The following CFAP99 variants were observed in gnomAD, a reference collection of about 807,000 sequenced individuals.
CFAP99 encodes the protein cilia and flagella associated protein 99.
CFAP99 carries 84 observed loss-of-function variants against 82.7 expected under a neutral mutation model. The observed-to-expected ratio is 1.02, with a 90% CI of 0.85 to 1.22. The LOEUF (loss-of-function observed/expected upper bound fraction) is 1.22, where lower values mean the gene tolerates loss of function less well. CFAP99 is among the 50% of genes most tolerant of loss of function. CFAP99 has a pLI of 0.00. For missense variants in CFAP99, 1,059 were observed against 983.5 expected (o/e 1.08, Z -1.03); for synonymous variants, 456 against 429.5 (o/e 1.06, Z -0.76).
intron 11 of CFAP99, among the ~76,000 whole-genome samples, chr4:2,456,418 T>C (rs1480718386): frequency 6.6e-6 from 1 of 152,108 alleles, no homozygotes; most frequent in Non-Finnish European, 1.5e-5. Context: ...GGCTCACACC[T>C]GTAGTCACGG....
intron 4 of CFAP99, among the ~76,000 whole-genome samples, chr4:2,438,390 G>A (rs1733966390): frequency 6.6e-6 from 1 of 152,112 alleles, no homozygotes; most frequent in African/African-American, 2.4e-5. Context: ...AGCCTCCCGA[G>A]TAGCTGGGAC....
rs1734640620 is a variant in CFAP99, at chr4:2,462,392, G to A, written c.1662-51G>A. The A allele has an allele frequency of 3.6e-6, 5 of 1,388,378 alleles. No individual in the cohort carries two copies. Among genetic ancestry groups the A allele is most frequent in the Non-Finnish European group, 4.6e-6 (5 of 1,083,246 alleles). The allele number at this position is 1,388,378 out of a possible 1,614,324, so 86.0% of individuals were successfully genotyped here. On this transcript the variant is annotated intron_variant, in intron 14 of 14. Transcript: ENST00000635017. This position sits in a 1 kb window ranked among gnomAD's most constrained non-coding sequence, Gnocchi z 4.1. ...TGGACACGGGTGGCATCCTGGGTCT[G>A]GCCTGGGCCTCCCGCCGGCCTGCTC...
At chr4:2,449,006 C>T (rs1734240302) in intron 6 of CFAP99, among the ~76,000 whole-genome samples, 1 of 151,988 alleles carries the variant, frequency 6.6e-6, no homozygotes, top group African/African-American at 2.4e-5. Flanking sequence ...AGGGAGGGCT[C>T]GTTTGAGGAA....
chr4:2,430,952 A>G (rs1733787412), intron 2 of CFAP99, among the ~76,000 whole-genome samples: 1 of 152,118 alleles, frequency 6.6e-6, no homozygotes, highest in Admixed American at 6.6e-5. Context: ...ACGTGCTTGT[A>G]GTCCCAGCTA....
Position 2,449,918 on chromosome 4 carries a change from TG to T in CFAP99, c.724-15del. 2 of 1,536,110 alleles carry T rather than the reference TG, an allele frequency of 1.3e-6. No homozygotes were observed. Among genetic ancestry groups the T allele is most frequent in the Non-Finnish European group, 1.7e-6 (2 of 1,146,868 alleles). ...CAGAGGCTGGTGGGACTGGAGCCGC[TG>T]TGTCACTGTGGCAGGAGCTGCTGCT... On this transcript the variant is annotated splice_polypyrimidine_tract_variant and intron_variant, in intron 7 of 14. Coordinates refer to ENST00000635017, the Ensembl canonical transcript of CFAP99.
intron 11 of CFAP99, among the ~76,000 whole-genome samples, chr4:2,458,334 A>C (rs938210649): frequency 6.6e-6 from 1 of 152,166 alleles, no homozygotes; most frequent in Non-Finnish European, 1.5e-5. Context: ...AAAAGCCGTA[A>C]ATATAGAACA....
chr4:2,454,581 CTTTTTTTTTTTTGTTTTTTTTTT>C (rs1459688913), intron 11 of CFAP99, among the ~76,000 whole-genome samples: 1 of 94,722 alleles, frequency 1.1e-5, no homozygotes, highest in South Asian at 3.6e-4. Flanking sequence ...TGTTTTTTTT[CTTTTTTTTTTTTGTTTTTTTTTT>C]TTTTTGGTTT....
intron 11 of CFAP99, among the ~76,000 whole-genome samples, chr4:2,458,230 T>C (rs985442128): frequency 3.7e-4 from 57 of 152,342 alleles, no homozygotes; most frequent in African/African-American, 1.3e-3. Flanking sequence ...GTGCCCACTT[T>C]CTTCACCTCA....
At chr4:2,424,479 C>T (rs1733645185) in intron 1 of CFAP99, among the ~76,000 whole-genome samples, 1 of 152,176 alleles carries the variant, frequency 6.6e-6, no homozygotes, top group African/African-American at 2.4e-5. Flanking sequence ...AAGAACAGCC[C>T]ATGTCAGGCC....
rs577690403 is a variant in CFAP99 at position 2,420,023 on chromosome 4, C to T, written c.-18+930C>T. On this transcript the variant is annotated intron_variant, in intron 1 of 14. Transcript: ENST00000635017. Reference sequence around the variant, plus strand: ...GGTCAGCGCTCATCTCTTCCTTGAACTGTCACTACCACGTGACCCAGCCGA... The same window carrying T: ...GGTCAGCGCTCATCTCTTCCTTGAATTGTCACTACCACGTGACCCAGCCGA... Among the ~76,000 whole-genome samples, 156 of 152,166 alleles carry T rather than the reference C, an allele frequency of 1.0e-3. 1 individual carries two copies. Among genetic ancestry groups the T allele is most frequent in the Admixed American group, 0.01 (153 of 15,278 alleles).
chr4:2,421,350 C>CTTTTTTTTTTTTTT (rs10632358), intron 1 of CFAP99, among the ~76,000 whole-genome samples: 1 of 96,984 alleles, frequency 1.0e-5, no homozygotes, highest in Non-Finnish European at 1.9e-5. Context: ...TCTGCCCACC[C>CTTTTTTTTTTTTTT]TTTTTTTTTT....
At chr4:2,452,421 G>A (rs1025052530) in intron 11 of CFAP99, 75 bp downstream of exon 11, 2 of 1,454,464 alleles carry the variant, frequency 1.4e-6, no homozygotes, top group Admixed American at 4.0e-5. Context: ...GCAGGGCCAG[G>A]GCTGGCAGTG....
chr4:2,445,455 A>C, intron 6 of CFAP99, 147 bp downstream of exon 6: 1 of 713,306 alleles, frequency 1.4e-6, no homozygotes. Context: ...AAATGACCCC[A>C]CCCCACCCCC....
At chr4:2,438,234 T>G (rs2108720760) in intron 4 of CFAP99, 70 bp downstream of exon 4, 1 of 885,270 alleles carries the variant, frequency 1.1e-6, no homozygotes, top group African/African-American at 1.7e-5. Flanking sequence ...CTCGCCCACC[T>G]TTCGTCATTC....
At chr4:2,439,970 A>G (rs909867165) in intron 4 of CFAP99, among the ~76,000 whole-genome samples, 3 of 151,564 alleles carry the variant, frequency 2.0e-5, no homozygotes, top group Non-Finnish European at 4.4e-5. Flanking sequence ...CAGCCTCCCA[A>G]GTAGCTGGGA....
In CFAP99 at chr4:2,462,385, T is replaced by C. The variant is rs895040848; in HGVS notation, c.1662-58T>C. ...CGTCGCTTGGACACGGGTGGCATCC[T>C]GGGTCTGGCCTGGGCCTCCCGCCGG... On this transcript the variant is annotated intron_variant, in intron 14 of 14. Transcript: ENST00000635017. This position sits in a 1 kb window ranked among gnomAD's most constrained non-coding sequence, Gnocchi z 4.1. The C allele has an allele frequency of 9.3e-5, 128 of 1,370,268 alleles. No individual in the cohort carries two copies. In the African/African-American group the frequency reaches 1.8e-3, roughly 19 times the overall value. The allele number at this position is 1,370,268 out of a possible 1,614,324, so 84.9% of individuals were successfully genotyped here.
chr4:2,462,451 A>G lies in CFAP99; in HGVS notation c.1670A>G (p.Glu557Gly). The change falls in exon 15 of 15, where the codon GAA (glutamate) becomes GGA (glycine). Residue 557 changes from glutamate to glycine, a missense_variant. By Grantham distance (98) the Glu-to-Gly change is moderately conservative. Transcript: ENST00000635017. This position sits in a 1 kb window ranked among gnomAD's most constrained non-coding sequence, Gnocchi z 4.1. The stretch of plus-strand genomic sequence containing the variant: ...GCCGCGTCGCCCGCCAGGTGGGAGG[A>G]AAAGAAGGCCCTTGCGGCGGCCCCG... 4 of 1,455,220 alleles carry G rather than the reference A, an allele frequency of 2.7e-6. No individual in the cohort carries two copies. Among genetic ancestry groups the G allele is most frequent in the Non-Finnish European group, 3.6e-6 (4 of 1,114,702 alleles). The allele number at this position is 1,455,220 out of a possible 1,614,324, so 90.1% of individuals were successfully genotyped here.
At chr4:2,445,173 C>T (rs769895565) in exon 6 of CFAP99, 15 of 1,415,500 alleles carry the variant, frequency 1.1e-5, no homozygotes, top group Admixed American at 9.0e-5. Context: ...ACCTGGAGGG[C>T]GTGTCTGCCA....
exon 14 of CFAP99, chr4:2,460,189 G>A (rs771425949): frequency 7.2e-6 from 11 of 1,536,026 alleles, no homozygotes; most frequent in South Asian, 7.1e-5. Flanking sequence ...TGCAGAACAT[G>A]GTGGAGCAGA....
Sources: gnomAD v4.1 joint callset for allele counts (sites outside exome capture counted in the v4.1 genomes callset) on GRCh38, gnomAD v4.1.1 for gene constraint, Gnocchi (gnomAD v3.1) non-coding constraint, MANE v1.5 for transcripts, NCBI Gene and HGNC (gene_info 2026-07-23, HGNC 2026-07-21) for gene names.